CCR6: variants seen among roughly 807,000 people sequenced by gnomAD.
CCR6 encodes the protein C-C motif chemokine receptor 6.
CCR6 carries 2 observed loss-of-function variants against 3.0 expected under a neutral mutation model. The ratio of observed to expected loss-of-function variants is 0.66; its 90% CI spans 0.27 to 2.07. CCR6 has a LOEUF of 2.07. Ranked by LOEUF, CCR6 falls within the 30% of genes most tolerant of loss-of-function variation. The pLI is 0.14. For synonymous variants in CCR6, 193 were observed against 184.3 expected (o/e 1.05, Z -0.38); for missense variants, 322 against 462.8 (o/e 0.70, Z 2.79).
At chr6:167,124,421 A>C (rs1038992074) in intron 1 of CCR6, among the ~76,000 whole-genome samples, 2 of 152,208 alleles carry the variant, frequency 1.3e-5, no homozygotes, top group African/African-American at 4.8e-5. Context: ...GCTTATCTAA[A>C]AAGGTATAAA....
intron 1 of CCR6, among the ~76,000 whole-genome samples, chr6:167,134,372 C>T (rs2114936785): frequency 6.6e-6 from 1 of 152,250 alleles, no homozygotes; most frequent in South Asian, 2.1e-4. Flanking sequence ...AACTGTATAC[C>T]TGCTGGGATT....
At chr6:167,135,252 A>G (rs6456161) in intron 1 of CCR6, among the ~76,000 whole-genome samples, 4,271 of 152,310 alleles carry the variant, frequency 0.028, 213 homozygotes, top group African/African-American at 0.098. Context: ...AAGAACCCTG[A>G]TCAGAGCCTC....
rs1479033145 is a variant in CCR6, at chr6:167,123,213, CACTGCCTGAGG to C, written c.-107_-98+1del. ...TGAGGCTGAAGGGAGTGGATCAGAGCACTGCCTGAGGTGAGCATGCCAAGGCCCCTGAGACT... is the reference window on the plus strand; with the variant it reads ...TGAGGCTGAAGGGAGTGGATCAGAGCTGAGCATGCCAAGGCCCCTGAGACT... On this transcript the variant is annotated splice_donor_variant and 5_prime_UTR_variant, in exon 1 of 3. Coordinates refer to ENST00000341935, the MANE Select transcript of CCR6 (RefSeq NM_031409.4). LOFTEE classifies it low-confidence loss of function (5UTR_SPLICE). 1 of 152,748 alleles carries C rather than the reference CACTGCCTGAGG, an allele frequency of 6.5e-6. No homozygotes were observed. Among genetic ancestry groups the C allele is most frequent in the Admixed American group, 6.5e-5 (1 of 15,274 alleles). The allele number at this position is 152,748 out of a possible 1,614,324, so 9.5% of individuals were successfully genotyped here.
At position 167,137,208 on chromosome 6, in the gene CCR6, C is replaced by T. The variant is rs757160753; in HGVS notation, c.978C>T (p.Tyr326=). 1.2e-6 allele frequency: 2 copies of T among 1,614,192 alleles called. No individual in the cohort carries two copies. The highest frequency in any genetic ancestry group is 2.2e-5 in the South Asian group (2 of 91,080). Residue 326 remains tyrosine (Y), a synonymous_variant, in exon 3 of 3, where the codon TAC becomes TAT. Coordinates refer to ENST00000341935, the MANE Select transcript of CCR6 (RefSeq NM_031409.4). This position sits in a 1 kb window ranked among gnomAD's most constrained non-coding sequence, Gnocchi z 4.6. The stretch of plus-strand genomic sequence containing the variant: ...TTATTGGGCAGAAGTTCAGAAACTA[C>T]TTTCTGAAGATCTTGAAGGACCTGT... ...YAFIGQKFRN[Y]FLKILKDLWC...
intron 1 of CCR6, among the ~76,000 whole-genome samples, chr6:167,123,795 C>T (rs1562557373): frequency 1.3e-5 from 2 of 152,040 alleles, no homozygotes; most frequent in Non-Finnish European, 2.9e-5. Flanking sequence ...ATCTTATGAC[C>T]AGAAAATAAT....
upstream of CCR6, chr6:167,123,014 T>C (rs2114917830): frequency 6.5e-6 from 1 of 152,832 alleles, no homozygotes; most frequent in African/African-American, 2.4e-5. Flanking sequence ...GGTTAACCAT[T>C]TGCATTTGGG....
At position 167,136,267 on chromosome 6, in the gene CCR6, G is replaced by A. The variant is rs145768514; in HGVS notation, c.37G>A (p.Asp13Asn). The A allele has an allele frequency of 5.0e-5, 81 of 1,605,910 alleles. No homozygotes were observed. The highest frequency in any genetic ancestry group is 1.0e-4 in the Admixed American group (6 of 59,088). ...ATCAATGAATTTCAGCGATGTTTTC[G>A]ACTCCAGTGAAGATTATTTTGTGTC... is the stretch of plus-strand genomic sequence containing the variant. ...GESMNFSDVF[D>N]SSEDYFVSVN... The change falls in exon 3 of 3, where the codon GAC becomes AAC. Residue 13 changes from aspartate to asparagine, a missense_variant. Asp to Asn is a conservative substitution (Grantham distance 23, BLOSUM62 1). Transcript: ENST00000341935. The surrounding 1 kb of genome is among the most constrained non-coding windows in gnomAD (Gnocchi z 4.6).
At chr6:167,125,377 G>A (rs565296473) in intron 1 of CCR6, among the ~76,000 whole-genome samples, 6 of 152,324 alleles carry the variant, frequency 3.9e-5, no homozygotes, top group East Asian at 1.9e-4. Context: ...AATGGCAGTC[G>A]GTCTGTTGCT....
upstream of CCR6, among the ~76,000 whole-genome samples, chr6:167,122,031 C>T (rs1433313338): frequency 1.3e-5 from 2 of 152,084 alleles, no homozygotes; most frequent in Admixed American, 6.5e-5. This position sits in a 1 kb window ranked among gnomAD's most constrained non-coding sequence, Gnocchi z 4.2. Context: ...ATAAGGGGTG[C>T]GCTCCAGCTT....
intron 1 of CCR6, among the ~76,000 whole-genome samples, chr6:167,114,382 G>A (rs901889019): frequency 1.3e-5 from 2 of 152,194 alleles, no homozygotes; most frequent in Admixed American, 6.5e-5. Flanking sequence ...GGTAGACCTC[G>A]AGAGGAGTTC....
upstream of CCR6, among the ~76,000 whole-genome samples, chr6:167,122,058 C>A (rs534247359): frequency 2.6e-5 from 4 of 151,988 alleles, no homozygotes; most frequent in African/African-American, 9.7e-5. This position sits in a 1 kb window ranked among gnomAD's most constrained non-coding sequence, Gnocchi z 4.2. Flanking sequence ...CTCACTCAGG[C>A]GTGAGGACGT....
intron 1 of CCR6, among the ~76,000 whole-genome samples, chr6:167,127,775 A>G (rs1781691215): frequency 6.6e-6 from 1 of 152,184 alleles, no homozygotes; most frequent in South Asian, 2.1e-4. Flanking sequence ...TTCTGCGATT[A>G]CAGGTGTGAG....
At chr6:167,113,204 C>A (rs1781441248) in intron 1 of CCR6, among the ~76,000 whole-genome samples, 1 of 152,098 alleles carries the variant, frequency 6.6e-6, no homozygotes, top group Non-Finnish European at 1.5e-5. Flanking sequence ...AGCCTGTACC[C>A]AAACTTGGTG....
exon 1 of CCR6, chr6:167,111,824 GGCAGCA>G (rs1488378567): frequency 6.6e-6 from 1 of 152,468 alleles, no homozygotes; most frequent in Admixed American, 6.5e-5. Context: ...GGGTGAAGGA[GGCAGCA>G]GTGTGGCCGG....
chr6:167,120,943 A>C (rs973405599), upstream of CCR6: 2 of 152,296 alleles, frequency 1.3e-5, no homozygotes, highest in Non-Finnish European at 2.9e-5. Context: ...ACTTGGAACT[A>C]CAGAAGGAAT....
chr6:167,117,890 C>G (rs1191018153), upstream of CCR6, among the ~76,000 whole-genome samples: 2 of 151,042 alleles, frequency 1.3e-5, no homozygotes, highest in African/African-American at 2.4e-5. Flanking sequence ...ACGCGCAGGT[C>G]GCTTTTCAGT....
intron 1 of CCR6, among the ~76,000 whole-genome samples, chr6:167,123,707 C>A (rs778223395): frequency 6.6e-6 from 1 of 152,142 alleles, no homozygotes; most frequent in African/African-American, 2.4e-5. Context: ...GAGAAATTGA[C>A]AAGGTGGAAA....
At chr6:167,135,825 CA>C (rs1350710855) in intron 1 of CCR6, among the ~76,000 whole-genome samples, 1 of 152,210 alleles carries the variant, frequency 6.6e-6, no homozygotes, top group Non-Finnish European at 1.5e-5. Context: ...GGAGCTGTGA[CA>C]GAGACCATAT....
At chr6:167,125,462 A>G (rs1202757436) in intron 1 of CCR6, among the ~76,000 whole-genome samples, 1 of 151,976 alleles carries the variant, frequency 6.6e-6, no homozygotes, top group Non-Finnish European at 1.5e-5. Flanking sequence ...CTTTGCTACC[A>G]CCACAGAGCC....
Sources: gnomAD v4.1 joint callset for allele counts (sites outside exome capture counted in the v4.1 genomes callset) on GRCh38, gnomAD v4.1.1 for gene constraint, Gnocchi (gnomAD v3.1) non-coding constraint, MANE v1.5 for transcripts, NCBI Gene and HGNC (gene_info 2026-07-23, HGNC 2026-07-21) for gene names.